The following SIDT1 variants were observed in gnomAD, a reference collection of about 807,000 sequenced individuals.
SIDT1 encodes SID1 transmembrane family, member 1.
Under a neutral mutation model 107.5 loss-of-function variants are expected in SIDT1, and 101 were observed. That is an observed-to-expected ratio of 0.94 (90% CI 0.80 to 1.11). The LOEUF (loss-of-function observed/expected upper bound fraction) is 1.11, where lower values mean the gene tolerates loss of function less well. Among genes scored for constraint, SIDT1 ranks in the 50% least tolerant of loss-of-function variants. The pLI, the probability that SIDT1 is intolerant of heterozygous loss-of-function variation, is 0.00. For missense variants in SIDT1, 1,076 were observed against 1,058.2 expected (o/e 1.02, Z -0.23); for synonymous variants, 395 against 398.2 (o/e 0.99, Z 0.10).
At chr3:113,543,436 G>A (rs963307893) in intron 1 of SIDT1, among the ~76,000 whole-genome samples, 4 of 152,124 alleles carry the variant, frequency 2.6e-5, no homozygotes, top group African/African-American at 7.2e-5. Context: ...GATCCTCAGA[G>A]CCATCAGAGC....
intron 4 of SIDT1, among the ~76,000 whole-genome samples, chr3:113,577,303 A>T (rs1371831212): frequency 1.3e-5 from 2 of 152,220 alleles, no homozygotes; most frequent in African/African-American, 4.8e-5. Flanking sequence ...TTAAGAACGG[A>T]GAGACACAAC....
At chr3:113,577,232 C>T (rs754812937) in intron 4 of SIDT1, among the ~76,000 whole-genome samples, 20 of 152,286 alleles carry the variant, frequency 1.3e-4, no homozygotes, top group East Asian at 1.9e-4. Flanking sequence ...CTGAGAAAAT[C>T]GTGTGCCCAC....
chr3:113,546,368 C>G (rs13067967), intron 1 of SIDT1, among the ~76,000 whole-genome samples: 18,783 of 151,718 alleles, frequency 0.12, 1,199 homozygotes, highest in Non-Finnish European at 0.15. Flanking sequence ...TGCTTTAAAA[C>G]TACTTTTTTT....
intron 6 of SIDT1, among the ~76,000 whole-genome samples, chr3:113,582,972 A>G (rs987788821): frequency 2.0e-5 from 3 of 152,200 alleles, no homozygotes; most frequent in Admixed American, 1.3e-4. Flanking sequence ...CTCAAAGCCA[A>G]GATGATAACT....
At chr3:113,561,812 G>A (rs1160526237) in intron 1 of SIDT1, among the ~76,000 whole-genome samples, 1 of 152,098 alleles carries the variant, frequency 6.6e-6, no homozygotes, top group African/African-American at 2.4e-5. Flanking sequence ...CTTTGCCTTA[G>A]ATCAAAGTGT....
At position 113,545,389 on chromosome 3, in the gene SIDT1, G is replaced by T. The variant is rs1187194897; in HGVS notation, c.222+12146G>T. Among the ~76,000 whole-genome samples the T allele has an allele frequency of 3.9e-5, 6 of 151,934 alleles. No individual in the cohort carries two copies. The East Asian group carries it at 7.7e-4, about 20-fold the overall frequency. ...ATTTCTTTTATTTATATCAGCATGG[G>T]CATATAGATTCTTATTTGATCCAAT... On this transcript the variant is annotated intron_variant, in intron 1 of 24. Transcript: ENST00000264852.
In SIDT1 at chr3:113,542,240, C is replaced by G. The variant is rs894570667; in HGVS notation, c.222+8997C>G. Among the ~76,000 whole-genome samples, 45 of 152,042 alleles carry G rather than the reference C, an allele frequency of 3.0e-4. 1 individual carries two copies. The highest frequency in any genetic ancestry group is 2.9e-3 in the Admixed American group (44 of 15,266). ...ACTTGGCATTAGTAGGTCAGTTTTT[C>G]CCAGGTATGTGATGTAACTTTTGAA... On this transcript the variant is annotated intron_variant, in intron 1 of 24. Transcript: ENST00000264852.
rs761614142 is a variant in SIDT1 at position 113,593,013 on chromosome 3, G to A, written c.1010G>A (p.Arg337Lys). The stretch of plus-strand genomic sequence containing the variant: ...TATGTGCTTGTTTGCAGGTTTCAGA[G>A]AAAATCCATTGATGGAAGCTTTGGG... ...VGFVHYLRFQRKSIDGSFGSN... is the reference protein window; with the variant it reads ...VGFVHYLRFQKKSIDGSFGSN... Residue 337 changes from arginine to lysine, a missense_variant, in exon 10 of 25, where the codon AGA becomes AAA. By Grantham distance (26) the Arg-to-Lys change is conservative (BLOSUM62 2). Transcript: ENST00000264852. 6.2e-7 allele frequency: 1 copy of A among 1,613,500 alleles called. No homozygotes were observed. The highest frequency in any genetic ancestry group is 1.7e-5 in the Admixed American group (1 of 60,030).
intron 1 of SIDT1, among the ~76,000 whole-genome samples, chr3:113,559,510 G>C (rs568327070): frequency 9.2e-5 from 14 of 151,676 alleles, no homozygotes; most frequent in African/African-American, 3.4e-4. Flanking sequence ...GGCCCAATCT[G>C]GGCTCACTGC....
At chr3:113,604,436 C>T (rs747311274) in intron 13 of SIDT1, among the ~76,000 whole-genome samples, 1 of 152,226 alleles carries the variant, frequency 6.6e-6, no homozygotes, top group East Asian at 1.9e-4. Flanking sequence ...TGATCCGTCA[C>T]TCATTACTTA....
chr3:113,564,219 C>T (rs900700503), intron 1 of SIDT1, among the ~76,000 whole-genome samples: 1 of 152,204 alleles, frequency 6.6e-6, no homozygotes, highest in Non-Finnish European at 1.5e-5. Flanking sequence ...GGATTACAGG[C>T]GTGAGCCGCC....
At chr3:113,536,617 A>T (rs1013545304) in intron 1 of SIDT1, among the ~76,000 whole-genome samples, 2 of 152,194 alleles carry the variant, frequency 1.3e-5, no homozygotes, top group African/African-American at 4.8e-5. Flanking sequence ...CAGCCACTGC[A>T]TCTCCCATAC....
chr3:113,603,304 C>G (rs1459231574), intron 12 of SIDT1, among the ~76,000 whole-genome samples, 154 bp downstream of exon 12: 11 of 152,112 alleles, frequency 7.2e-5, no homozygotes, highest in Non-Finnish European at 1.5e-4. Flanking sequence ...AGACTAAAAG[C>G]AATACTCTGT....
At chr3:113,620,192 ATGTGTGTGTG>A (rs3085042) in intron 21 of SIDT1, among the ~76,000 whole-genome samples, 7 of 144,552 alleles carry the variant, frequency 4.8e-5, no homozygotes, top group Non-Finnish European at 9.1e-5. Context: ...CTTTTACTAA[ATGTGTGTGTG>A]TGTGTGTGTG....
intron 1 of SIDT1, among the ~76,000 whole-genome samples, chr3:113,542,609 C>T (rs1200146288): frequency 2.0e-5 from 3 of 152,128 alleles, no homozygotes; most frequent in Admixed American, 2.0e-4. Flanking sequence ...AACATAACTG[C>T]AATCCTTATC....
At chr3:113,577,900 T>G (rs1265850567) in intron 4 of SIDT1, among the ~76,000 whole-genome samples, 2 of 152,186 alleles carry the variant, frequency 1.3e-5, no homozygotes, top group Non-Finnish European at 2.9e-5. Context: ...ATACCTCCAC[T>G]GTGGCTGATT....
chr3:113,557,928 C>A (rs376164621), intron 1 of SIDT1, among the ~76,000 whole-genome samples: 1 of 152,128 alleles, frequency 6.6e-6, no homozygotes, highest in East Asian at 1.9e-4. Flanking sequence ...AGGTCAAAGA[C>A]AATGCAAAGT....
intron 1 of SIDT1, among the ~76,000 whole-genome samples, chr3:113,562,199 A>G (rs1456621017): frequency 6.6e-6 from 1 of 152,190 alleles, no homozygotes; most frequent in African/African-American, 2.4e-5. Context: ...AAAAAAAAAG[A>G]TAGTGACAAG....
At chr3:113,603,680 A>G (rs1340979494) in intron 12 of SIDT1, among the ~76,000 whole-genome samples, 1 of 152,206 alleles carries the variant, frequency 6.6e-6, no homozygotes, top group African/African-American at 2.4e-5. Flanking sequence ...AAGACTCCCA[A>G]TAAGTTGCCC....
Sources: gnomAD v4.1 joint callset for allele counts (sites outside exome capture counted in the v4.1 genomes callset) on GRCh38, gnomAD v4.1.1 for gene constraint, MANE v1.5 for transcripts, NCBI Gene and HGNC (gene_info 2026-07-23, HGNC 2026-07-21) for gene names.